Variants in PTH2R observed in about 807,000 individuals in gnomAD.
PTH2R encodes PTH2 receptor.
A neutral mutation model predicts 60.3 loss-of-function variants in PTH2R; 59 were observed. That is an observed-to-expected ratio of 0.98 (90% confidence interval 0.79 to 1.22). The LOEUF is 1.22. Ranked by LOEUF, PTH2R falls within the 50% of genes most tolerant of loss-of-function variation. The pLI is 0.00. For synonymous variants in PTH2R, 256 were observed against 243.8 expected, an observed-to-expected ratio of 1.05 and a Z score of -0.47; for missense variants, 749 against 682.6, an observed-to-expected ratio of 1.10 and a Z score of -1.08.
chr2:208,477,301 G>A (rs1703026436), intron 9 of PTH2R, among the ~76,000 whole-genome samples: 1 of 152,082 alleles, frequency 6.6e-6, no homozygotes, highest in African/African-American at 2.4e-5. Flanking sequence ...TGAGAACTTG[G>A]CTAGGAAGGG....
At chr2:208,476,912 C>T (rs1357584102) in intron 9 of PTH2R, among the ~76,000 whole-genome samples, 1 of 152,144 alleles carries the variant, frequency 6.6e-6, no homozygotes, top group African/African-American at 2.4e-5. Context: ...GCTCCTATCC[C>T]TGGAGACGCT....
At chr2:208,480,092 G>T (rs916957903) in intron 9 of PTH2R, among the ~76,000 whole-genome samples, 2 of 152,160 alleles carry the variant, frequency 1.3e-5, no homozygotes, top group Non-Finnish European at 2.9e-5. Flanking sequence ...GTTTGGTGGG[G>T]TGTTCAGGGC....
At chr2:208,423,061 T>C (rs1701788275) in intron 1 of PTH2R, among the ~76,000 whole-genome samples, 1 of 152,182 alleles carries the variant, frequency 6.6e-6, no homozygotes, top group Admixed American at 6.5e-5. Flanking sequence ...ACTGACAGTC[T>C]GCATTGTTTT....
chr2:208,443,575 T>C lies in PTH2R; in HGVS notation c.699+38T>C, dbSNP rs1702231764. On this transcript the variant is annotated intron_variant, in intron 6 of 12. Transcript: ENST00000272847. ...ACCATTTTCTCTCATTACTAATTTGTATAACACTACAAATAAGTACAATTT... is the reference window on the plus strand; with the variant it reads ...ACCATTTTCTCTCATTACTAATTTGCATAACACTACAAATAAGTACAATTT... 3.3e-6 allele frequency: 5 copies of C among 1,514,098 alleles called. 1 individual carries two copies. The South Asian group carries it at 6.3e-5, about 19-fold the overall frequency. The allele number at this position is 1,514,098 out of a possible 1,614,324, so 93.8% of individuals were successfully genotyped here.
intron 6 of PTH2R, 41 bp downstream of exon 6, chr2:208,443,578 A>C: frequency 5.4e-6 from 8 of 1,489,926 alleles, no homozygotes; most frequent in Non-Finnish European, 7.3e-6. Context: ...TAATTTGTAT[A>C]ACACTACAAA....
intron 12 of PTH2R, among the ~76,000 whole-genome samples, chr2:208,492,411 G>A (rs1044014727): frequency 2.6e-5 from 4 of 152,128 alleles, no homozygotes; most frequent in Non-Finnish European, 5.9e-5. Flanking sequence ...GAAGTGATTT[G>A]GGCATTTTAA....
At chr2:208,396,548 T>C (rs900549796) in intron 1 of PTH2R, among the ~76,000 whole-genome samples, 6 of 152,044 alleles carry the variant, frequency 3.9e-5, no homozygotes, top group Admixed American at 3.3e-4. Flanking sequence ...AACAGACACA[T>C]GAAAAAATGC....
intron 1 of PTH2R, among the ~76,000 whole-genome samples, chr2:208,408,938 T>C (rs1315805094): frequency 6.6e-6 from 1 of 152,046 alleles, no homozygotes; most frequent in Non-Finnish European, 1.5e-5. Flanking sequence ...TGGGGGTGGG[T>C]GTGTTGTCCT....
At chr2:208,406,785 C>T (rs1232402356), upstream of PTH2R, 5 of 349,148 alleles carry the variant, frequency 1.4e-5, no homozygotes, top group Non-Finnish European at 2.6e-5. Context: ...GGCTGCGAGT[C>T]AAGTCCAGGA....
chr2:208,402,434 C>CT (rs1701326748), upstream of PTH2R, among the ~76,000 whole-genome samples: 1 of 152,136 alleles, frequency 6.6e-6, no homozygotes, highest in Non-Finnish European at 1.5e-5. Flanking sequence ...TTACAGTGGT[C>CT]TTTCTTGTCT....
At chr2:208,492,233 G>A (rs533292168) in intron 12 of PTH2R, among the ~76,000 whole-genome samples, 1 of 152,216 alleles carries the variant, frequency 6.6e-6, no homozygotes, top group African/African-American at 2.4e-5. Context: ...TTAGGCTGCC[G>A]ATGCAGATTG....
At chr2:208,373,567 A>G (rs1267823726) in intron 1 of PTH2R, among the ~76,000 whole-genome samples, 3 of 152,108 alleles carry the variant, frequency 2.0e-5, no homozygotes, top group Non-Finnish European at 2.9e-5. Context: ...TGCTGCAACA[A>G]TTGTCCCTGC....
At chr2:208,372,915 T>C (rs1700728282) in intron 1 of PTH2R, among the ~76,000 whole-genome samples, 1 of 151,854 alleles carries the variant, frequency 6.6e-6, no homozygotes, top group African/African-American at 2.4e-5. Flanking sequence ...CAAAACCCCG[T>C]CTCCACCAAA....
In PTH2R at chr2:208,447,433, A is replaced by G. The variant is rs188030586; in HGVS notation, c.853+2546A>G. On this transcript the variant is annotated intron_variant, in intron 7 of 12. Transcript: ENST00000272847. ...GAATCCCTGCCTCTACTAAAAATAC[A>G]AAAAATTAGCCAGACGTGCTGGCAG... is the stretch of plus-strand genomic sequence containing the variant. Among the ~76,000 whole-genome samples the G allele has an allele frequency of 3.1e-3, 471 of 152,028 alleles. 3 individuals carry two copies. The highest frequency in any genetic ancestry group is 9.1e-3 in the Admixed American group (139 of 15,280).
chr2:208,408,515 G>T (rs1701465382), intron 1 of PTH2R, among the ~76,000 whole-genome samples: 1 of 151,186 alleles, frequency 6.6e-6, no homozygotes, highest in East Asian at 1.9e-4. Context: ...AAATGGGGAG[G>T]TATTATTTAG....
At chr2:208,448,230 C>G (rs1306416625) in intron 7 of PTH2R, among the ~76,000 whole-genome samples, 1 of 152,142 alleles carries the variant, frequency 6.6e-6, no homozygotes, top group Non-Finnish European at 1.5e-5. Flanking sequence ...GTTAAAGTCT[C>G]CCACACAAGA....
upstream of PTH2R, among the ~76,000 whole-genome samples, chr2:208,401,802 C>T (rs147954490): frequency 1.3e-5 from 2 of 152,250 alleles, no homozygotes; most frequent in East Asian, 1.9e-4. Context: ...CTGCTGTCTT[C>T]AAGGCTCTGG....
At chr2:208,450,672 T>C (rs1574884798) in intron 7 of PTH2R, 77 bp from the exon 8 acceptor site, 3 of 1,395,524 alleles carry the variant, frequency 2.1e-6, no homozygotes, top group Non-Finnish European at 3.1e-6. Context: ...AGTATATTCT[T>C]ATATATGGTG....
At chr2:208,453,877 C>G (rs1411151443) in intron 8 of PTH2R, among the ~76,000 whole-genome samples, 1 of 152,132 alleles carries the variant, frequency 6.6e-6, no homozygotes, top group East Asian at 1.9e-4. Context: ...TTTAGACAAA[C>G]AATAAATGTT....
Sources: gnomAD v4.1 joint callset for allele counts (sites outside exome capture counted in the v4.1 genomes callset) on GRCh38, gnomAD v4.1.1 for gene constraint, MANE v1.5 for transcripts, NCBI Gene and HGNC (gene_info 2026-07-23, HGNC 2026-07-21) for gene names.